ITPR2: variants seen among roughly 807,000 people sequenced by gnomAD.
The protein encoded by ITPR2 is inositol 1,4,5-trisphosphate receptor type 2.
In ITPR2, 207 loss-of-function variants were observed where a neutral mutation model predicts 317.1. The observed-to-expected ratio is 0.65, with a 90% CI of 0.58 to 0.73. The LOEUF is 0.73. Ranked by LOEUF, ITPR2 falls within the 30% of genes least tolerant of loss-of-function variation. The probability of loss-of-function intolerance (pLI) is 0.00; values close to 1 mark genes in which losing one functional copy is unlikely to be tolerated. For synonymous variants in ITPR2, 1,156 were observed against 1,149.1 expected, an observed-to-expected ratio of 1.01 and a Z score of -0.12; for missense variants, 2,613 against 3,284.0, an observed-to-expected ratio of 0.80 and a Z score of 4.99.
At chr12:26,544,866 CTT>C (rs1406592645) in intron 37 of ITPR2, among the ~76,000 whole-genome samples, 1 of 152,226 alleles carries the variant, frequency 6.6e-6, no homozygotes, top group East Asian at 1.9e-4. Flanking sequence ...ACCTATGTGA[CTT>C]AACGCAATTC....
At chr12:26,534,839 T>G (rs1460029219) in intron 37 of ITPR2, among the ~76,000 whole-genome samples, 2 of 152,238 alleles carry the variant, frequency 1.3e-5, no homozygotes, top group Non-Finnish European at 2.9e-5. Context: ...TGCTGTATTT[T>G]GCATCATTAG....
rs752457432 is a variant in ITPR2, at chr12:26,439,316, C to CA, written c.6453dup (p.Val2152CysfsTer4). 1.9e-6 allele frequency: 3 copies of CA among 1,591,096 alleles called. No homozygotes were observed. The highest frequency in any genetic ancestry group is 1.8e-5 in the Admixed American group (1 of 55,770). Reference sequence around the variant, plus strand: ...TGTTCCATGGTCCTATCATGCCGGACAATCTGAAAACATTAATTTGCATTG... The same window carrying CA: ...TGTTCCATGGTCCTATCATGCCGGACAAATCTGAAAACATTAATTTGCATTG... On this transcript the variant is annotated frameshift_variant, in exon 47 of 57. Transcript: ENST00000381340. LOFTEE classifies it high-confidence loss of function.
At position 26,661,277 on chromosome 12, in the gene ITPR2, G is replaced by T. The variant is rs77381344; in HGVS notation, c.1714-1992C>A. ...ATGACTAGGTAGGGGTGTGTGTGTG[G>T]GGGGGGGGGGGTGGGAGGGAACGGG... On this transcript the variant is annotated intron_variant, in intron 15 of 56. Transcript: ENST00000381340. Among the ~76,000 whole-genome samples, 340 of 55,318 alleles carry T rather than the reference G, an allele frequency of 6.1e-3. 16 individuals are homozygous for T. Among genetic ancestry groups the T allele is most frequent in the African/African-American group, 0.031 (295 of 9,626 alleles). The allele number at this position is 55,318 out of a possible 152,430, so 36.3% of individuals were successfully genotyped here. A position where few individuals can be genotyped will look rare whatever the true frequency, so the allele number is the denominator to read the frequency against.
intron 2 of ITPR2, among the ~76,000 whole-genome samples, chr12:26,788,903 C>CT (rs1950300500): frequency 6.6e-6 from 1 of 152,172 alleles, no homozygotes; most frequent in Non-Finnish European, 1.5e-5. Context: ...TAGGGTTTCT[C>CT]TACCCTCTTA....
intron 37 of ITPR2, among the ~76,000 whole-genome samples, chr12:26,539,373 A>T (rs928429558): frequency 1.3e-5 from 2 of 152,016 alleles, no homozygotes; most frequent in African/African-American, 2.4e-5. Context: ...GCCTCTCCCC[A>T]TAAGTCCCAA....
chr12:26,614,248 G>A lies in ITPR2; in HGVS notation c.3462+6875C>T, dbSNP rs141767296. On this transcript the variant is annotated intron_variant, in intron 26 of 56. Transcript: ENST00000381340. Reference sequence around the variant, plus strand: ...TGACCAGAGAGCTCCAAGCAACAAGGGCACAAGATAAGTTTCCCTGAAGGC... The same window carrying A: ...TGACCAGAGAGCTCCAAGCAACAAGAGCACAAGATAAGTTTCCCTGAAGGC... 5.5e-3 allele frequency among the ~76,000 whole-genome samples: 831 copies of A among 151,952 alleles called. 12 individuals are homozygous for A. The highest frequency in any genetic ancestry group is 0.019 in the African/African-American group (782 of 41,448).
At chr12:26,656,203 T>A in intron 19 of ITPR2, 94 bp downstream of exon 19, 1 of 1,471,066 alleles carries the variant, frequency 6.8e-7, no homozygotes, top group Non-Finnish European at 9.3e-7. Flanking sequence ...GATACACAAA[T>A]GCCTTTCCAC....
intron 37 of ITPR2, among the ~76,000 whole-genome samples, chr12:26,507,973 A>G (rs1943236085): frequency 6.6e-6 from 1 of 151,800 alleles, no homozygotes; most frequent in African/African-American, 2.4e-5. Flanking sequence ...TGTAAAATGA[A>G]TTAGGTCTTT....
intron 42 of ITPR2, among the ~76,000 whole-genome samples, chr12:26,481,489 CTG>C (rs1375991090): frequency 6.6e-6 from 1 of 152,210 alleles, no homozygotes; most frequent in African/African-American, 2.4e-5. Context: ...TTAAAATGAA[CTG>C]TGTTTATAGA....
chr12:26,496,762 T>A (rs1461040747), intron 37 of ITPR2, among the ~76,000 whole-genome samples: 1 of 151,804 alleles, frequency 6.6e-6, no homozygotes, highest in Non-Finnish European at 1.5e-5. Flanking sequence ...GCTAACACAG[T>A]GAAACCCCGT....
chr12:26,470,606 C>T (rs977012046), intron 45 of ITPR2, among the ~76,000 whole-genome samples: 3 of 152,158 alleles, frequency 2.0e-5, no homozygotes, highest in Non-Finnish European at 4.4e-5. Flanking sequence ...TGTGATTCTC[C>T]TTTCATCTAT....
At chr12:26,764,711 C>T (rs1001658708) in intron 2 of ITPR2, among the ~76,000 whole-genome samples, 2 of 125,492 alleles carry the variant, frequency 1.6e-5, no homozygotes, top group Admixed American at 7.5e-5. Flanking sequence ...CCATAAACAA[C>T]AACAACAAAA....
chr12:26,401,066 CT>C (rs1940163298), intron 52 of ITPR2, among the ~76,000 whole-genome samples: 1 of 132,920 alleles, frequency 7.5e-6, no homozygotes. Context: ...CCTATCTCTA[CT>C]AAAAATCAAA....
chr12:26,624,683 C>T (rs1946580363), intron 23 of ITPR2, among the ~76,000 whole-genome samples: 2 of 151,458 alleles, frequency 1.3e-5, no homozygotes, highest in Non-Finnish European at 2.9e-5. Context: ...ATAATAAATG[C>T]TGGTGAGAAT....
At chr12:26,619,010 C>A (rs7309873) in intron 26 of ITPR2, among the ~76,000 whole-genome samples, 74,869 of 152,028 alleles carry the variant, frequency 0.49, 18,725 homozygotes, top group Middle Eastern at 0.58. Context: ...AGGGAGGGAG[C>A]ACATCAACTT....
chr12:26,731,569 G>A (rs1949028884), intron 2 of ITPR2, among the ~76,000 whole-genome samples: 4 of 152,158 alleles, frequency 2.6e-5, no homozygotes, highest in Admixed American at 2.6e-4. Flanking sequence ...GGCTGATAAA[G>A]GGGGATTGCT....
chr12:26,757,511 CG>C (rs1949547565), intron 2 of ITPR2, among the ~76,000 whole-genome samples: 1 of 152,116 alleles, frequency 6.6e-6, no homozygotes, highest in Non-Finnish European at 1.5e-5. Flanking sequence ...CCACCACACC[CG>C]GTCTTATTCA....
intron 11 of ITPR2, among the ~76,000 whole-genome samples, chr12:26,683,855 T>C (rs954615865): frequency 2.0e-5 from 3 of 152,248 alleles, no homozygotes; most frequent in Admixed American, 2.0e-4. Context: ...AATATGTGTA[T>C]AGTGTCTATT....
At chr12:26,622,445 TATAAC>T in intron 24 of ITPR2, 40 bp from the exon 25 acceptor site, 1 of 1,464,628 alleles carries the variant, frequency 6.8e-7, no homozygotes. Context: ...CTCCTATTTA[TATAAC>T]ATCTACACTT....
Sources: gnomAD v4.1 joint callset for allele counts (sites outside exome capture counted in the v4.1 genomes callset) on GRCh38, gnomAD v4.1.1 for gene constraint, MANE v1.5 for transcripts, NCBI Gene and HGNC (gene_info 2026-07-23, HGNC 2026-07-21) for gene names.